Variants in F12 observed in about 807,000 individuals in gnomAD.
F12 encodes Hageman factor.
In F12, 70 loss-of-function variants were observed where a neutral mutation model predicts 74.8. The ratio of observed to expected loss-of-function variants is 0.94; its 90% CI spans 0.77 to 1.14. F12 has a LOEUF of 1.14. Among genes scored for constraint, F12 ranks in the 50% most tolerant of loss-of-function variants. F12 has a pLI of 0.00. For missense variants in F12, 811 were observed against 835.7 expected, an observed-to-expected ratio of 0.97 and a Z score of 0.36; for synonymous variants, 373 against 356.4, an observed-to-expected ratio of 1.05 and a Z score of -0.52.
Position 177,403,377 on chromosome 5 carries a change from C to T in F12, c.1408G>A (p.Asp470Asn). 6.3e-7 allele frequency: 1 copy of T among 1,598,420 alleles called. No homozygotes were observed. The highest frequency in any genetic ancestry group is 8.5e-7 in the Non-Finnish European group (1 of 1,179,252). The stretch of plus-strand genomic sequence containing the variant: ...AGGAGCGCGCAGCTGCCGTCCGCAT[C>T]CTCCTGAAGGCGCAACAGAGCTAAC... ...HDLALLRLQE[D>N]ADGSCALLSP... Residue 470 changes from aspartate (D) to asparagine (N), a missense_variant, in exon 12 of 14, where the codon GAT becomes AAT. Transcript: ENST00000253496.
rs771146744 is a variant in F12 at position 177,402,450 on chromosome 5, C to T, written c.1690G>A (p.Gly564Arg). ...GGTDACQGDS[G>R]GPLVCEDQAA... ...TGGTCCTCACACACCAGCGGGCCTC[C>T]GGAATCACCCTGGGTCGGAAACACG... Residue 564 changes from glycine (G) to arginine (R), a missense_variant, in exon 14 of 14, where the codon GGA becomes AGA. Physicochemically the swap from Gly to Arg is moderately radical, Grantham distance 125 (BLOSUM62 -2). Coordinates refer to ENST00000253496, the MANE Select transcript of F12 (RefSeq NM_000505.4). 6.2e-7 allele frequency: 1 copy of T among 1,607,298 alleles called. No individual in the cohort carries two copies. Among genetic ancestry groups the T allele is most frequent in the South Asian group, 1.1e-5 (1 of 90,102 alleles).
rs369722868 is a variant in F12, at chr5:177,404,071, C to G, written c.1038G>C (p.Glu346Asp). The G allele has an allele frequency of 3.1e-6, 5 of 1,602,458 alleles. No homozygotes were observed. In the African/African-American group the frequency reaches 6.7e-5, roughly 21 times the overall value. ...QTPGALPAKREQPPSLTRNGP... is the reference protein window; with the variant it reads ...QTPGALPAKRDQPPSLTRNGP... ...CGTTCCTGGTCAGGGAAGGCGGCTGCTCCCGCTTCGCCGGCAAGGCTGTGG... is the reference window on the plus strand; with the variant it reads ...CGTTCCTGGTCAGGGAAGGCGGCTGGTCCCGCTTCGCCGGCAAGGCTGTGG... Residue 346 changes from glutamate to aspartate, a missense_variant, in exon 10 of 14, where the codon GAG becomes GAC. By Grantham distance (45) the Glu-to-Asp change is conservative. Coordinates refer to ENST00000253496, the MANE Select transcript of F12 (RefSeq NM_000505.4).
chr5:177,404,107 G>C lies in F12; in HGVS notation c.1019-17C>G. ...CCGGCAAGGCTGTGGAGGAGCAGGGGCTGAGGACGGAGAGCCCGCGGCCGG... is the reference window on the plus strand; with the variant it reads ...CCGGCAAGGCTGTGGAGGAGCAGGGCCTGAGGACGGAGAGCCCGCGGCCGG... On this transcript the variant is annotated splice_polypyrimidine_tract_variant and intron_variant, in intron 9 of 13. Coordinates refer to ENST00000253496, the MANE Select transcript of F12 (RefSeq NM_000505.4). 6.3e-7 allele frequency: 1 copy of C among 1,598,072 alleles called. No homozygotes were observed. Among genetic ancestry groups the C allele is most frequent in the South Asian group, 1.1e-5 (1 of 89,938 alleles).
chr5:177,404,491 C>G lies in F12; in HGVS notation c.800+8G>C, dbSNP rs199917514. The G allele has an allele frequency of 6.3e-7, 1 of 1,589,964 alleles. No homozygotes were observed. Among genetic ancestry groups the G allele is most frequent in the South Asian group, 1.1e-5 (1 of 88,860 alleles). On this transcript the variant is annotated splice_region_variant and intron_variant, in intron 8 of 13. Coordinates refer to ENST00000253496, the MANE Select transcript of F12 (RefSeq NM_000505.4). ...GGCGGAGGGGTCACCCAGCCCCACG[C>G]GGCGCACCGGCAGAAGGCGTGGCCG...
At chr5:177,409,001 C>CA in intron 2 of F12, 45 bp downstream of exon 2, 1 of 1,541,960 alleles carries the variant, frequency 6.5e-7, no homozygotes, top group Non-Finnish European at 8.8e-7. Context: ...GCACCATACA[C>CA]ATCCCCACCC....
chr5:177,408,717 T>C (rs1763342492), intron 2 of F12, among the ~76,000 whole-genome samples: 1 of 152,238 alleles, frequency 6.6e-6, no homozygotes, highest in Non-Finnish European at 1.5e-5. Context: ...CCCTGGCCTC[T>C]GTGTGGCATG....
In F12 at chr5:177,402,581, C is replaced by G; in HGVS notation, c.1649G>C (p.Gly550Ala). ...SSILPGMLCAGFLEGGTDACQ... is the reference protein window; with the variant it reads ...SSILPGMLCAAFLEGGTDACQ... ...CGCATCGGTGCCGCCCTCGAGGAAC[C>G]CTGCGCAGAGCATGCCGGGGAGGAT... The change falls in exon 13 of 14, where the codon GGG (glycine) becomes GCG (alanine). Residue 550 changes from glycine to alanine, a missense_variant. Gly to Ala is a moderately conservative substitution (Grantham distance 60). Coordinates refer to ENST00000253496, the MANE Select transcript of F12 (RefSeq NM_000505.4). The G allele has an allele frequency of 1.2e-6, 2 of 1,612,952 alleles. No individual in the cohort carries two copies. The highest frequency in any genetic ancestry group is 1.7e-6 in the Non-Finnish European group (2 of 1,179,860).
intron 12 of F12, chr5:177,402,989 A>G (rs1210797479): frequency 1.5e-6 from 1 of 664,832 alleles, no homozygotes; most frequent in East Asian, 2.8e-5. Context: ...CCAGCGTCCT[A>G]GTTGGCCTTT....
chr5:177,406,097 G>A, intron 2 of F12, 36 bp from the exon 3 acceptor site: 4 of 1,559,886 alleles, frequency 2.6e-6, no homozygotes, highest in East Asian at 2.2e-5. Context: ...GACTTCCCCT[G>A]TACTCAACTG....
At chr5:177,404,153 C>T (rs1262611324) in intron 9 of F12, 43 bp downstream of exon 9, 6 of 1,579,276 alleles carry the variant, frequency 3.8e-6, no homozygotes, top group African/African-American at 1.4e-5. Context: ...TCTAGCTCGC[C>T]CGGCGCCCTC....
At chr5:177,402,975 G>C (rs1193592635) in intron 12 of F12, 1 of 666,836 alleles carries the variant, frequency 1.5e-6, no homozygotes, top group Non-Finnish European at 2.5e-6. Flanking sequence ...CCCGGAGCGC[G>C]GGGCCAGCGT....
chr5:177,403,597 G>C lies in F12; in HGVS notation c.1271C>G (p.Thr424Arg). 6.2e-7 allele frequency: 1 copy of C among 1,605,768 alleles called. No homozygotes were observed. The highest frequency in any genetic ancestry group is 8.5e-7 in the Non-Finnish European group (1 of 1,179,230). Residue 424 changes from threonine to arginine, a missense_variant, in exon 11 of 14, where the codon ACG becomes AGG. By Grantham distance (71) the Thr-to-Arg change is moderately conservative. Transcript: ENST00000253496. ...ACGGCGTTCCTGGCCGAGCACCACC[G>C]TCAGATCCTCGGGTGCGGGCCTGCG... The part of the protein sequence containing the change: ...LQDRPAPEDL[T>R]VVLGQERRNH...
intron 2 of F12, among the ~76,000 whole-genome samples, chr5:177,408,320 C>T (rs1351981534): frequency 6.6e-6 from 1 of 152,142 alleles, no homozygotes; most frequent in Admixed American, 6.5e-5. Flanking sequence ...TCCCAAAGTG[C>T]TGGGATTACA....
At position 177,409,087 on chromosome 5, in the gene F12, G is replaced by T. The variant is rs926232985; in HGVS notation, c.74C>A (p.Ala25Asp). The T allele has an allele frequency of 2.6e-6, 4 of 1,551,546 alleles. No individual in the cohort carries two copies. The African/African-American group carries it at 4.1e-5, about 16-fold the overall frequency. ...ESTLSIPPWE[A>D]PKEHKYKAEE... Reference sequence around the variant, plus strand: ...AGCTTTGTACTTATGCTCCTTGGGGGCTTCCCAAGGTGGAATCTACAAGGG... The same window carrying T: ...AGCTTTGTACTTATGCTCCTTGGGGTCTTCCCAAGGTGGAATCTACAAGGG... Residue 25 changes from alanine to aspartate, a missense_variant, in exon 2 of 14, where the codon GCC becomes GAC. Coordinates refer to ENST00000253496, the MANE Select transcript of F12 (RefSeq NM_000505.4).
Position 177,402,327 on chromosome 5 carries a change from A to C in F12, c.1813T>G (p.Tyr605Asp), listed in dbSNP as rs17876035. The C allele has an allele frequency of 6.2e-6, 10 of 1,613,760 alleles. No individual in the cohort carries two copies. Among genetic ancestry groups the C allele is most frequent in the Middle Eastern group, 1.6e-4 (1 of 6,084 alleles). Residue 605 changes from tyrosine to aspartate, a missense_variant, in exon 14 of 14, where the codon TAC (tyrosine) becomes GAC (aspartate). Tyr to Asp is a radical substitution (Grantham distance 160). Transcript: ENST00000253496. Reference sequence around the variant, plus strand: ...GTGTGCTCCCGGATCCAGGCCAGGTAGTAGGCCACATCGGTGTAGACGCCT... The same window carrying C: ...GTGTGCTCCCGGATCCAGGCCAGGTCGTAGGCCACATCGGTGTAGACGCCT... ...KPGVYTDVAY[Y>D]LAWIREHTVS
intron 1 of F12, 135 bp downstream of exon 1, chr5:177,409,336 G>T: frequency 8.9e-7 from 1 of 1,119,668 alleles, no homozygotes; most frequent in Non-Finnish European, 1.3e-6. Flanking sequence ...TGGGCCTTCC[G>T]GGCTGGCCTC....
chr5:177,402,859 G>A (rs1763174110), intron 12 of F12, 161 bp from the exon 13 acceptor site: 4 of 1,012,616 alleles, frequency 4.0e-6, no homozygotes, highest in East Asian at 2.6e-5. Context: ...TCATAGGCAA[G>A]GAGGCTGAGG....
In F12 at chr5:177,402,681, T is replaced by C; in HGVS notation, c.1549A>G (p.Ser517Gly). Reference sequence around the variant, plus strand: ...GGTACCTGCGCCTCCTGCAGGAAGCTGGCATATTCCTCCGCCCCTGCGAAC... The same window carrying C: ...GGTACCTGCGCCTCCTGCAGGAAGCCGGCATATTCCTCCGCCCCTGCGAAC... ...HQFEGAEEYA[S>G]FLQEAQVPFL... Residue 517 changes from serine (S) to glycine (G), a missense_variant, in exon 13 of 14, where the codon AGC (serine) becomes GGC (glycine). Ser to Gly is a moderately conservative substitution (Grantham distance 56). Coordinates refer to ENST00000253496, the MANE Select transcript of F12 (RefSeq NM_000505.4). The C allele has an allele frequency of 6.2e-7, 1 of 1,612,042 alleles. No homozygotes were observed. Among genetic ancestry groups the C allele is most frequent in the Non-Finnish European group, 8.5e-7 (1 of 1,180,012 alleles).
intron 10 of F12, 69 bp downstream of exon 10, chr5:177,403,790 C>T: frequency 1.4e-6 from 2 of 1,460,902 alleles, no homozygotes; most frequent in Non-Finnish European, 1.8e-6. Context: ...TCGGGTGCAG[C>T]GTGGAAGCTG....
Sources: gnomAD v4.1 joint callset for allele counts (sites outside exome capture counted in the v4.1 genomes callset) on GRCh38, gnomAD v4.1.1 for gene constraint, MANE v1.5 for transcripts, NCBI Gene and HGNC (gene_info 2026-07-23, HGNC 2026-07-21) for gene names.